Variants in FBXL13 observed in about 807,000 individuals in gnomAD.
FBXL13 encodes F-box and leucine rich repeat protein 13.
In FBXL13, 67 loss-of-function variants were observed where a neutral mutation model predicts 83.6. The observed-to-expected ratio is 0.80, with a 90% CI of 0.66 to 0.98. The LOEUF is 0.98. Ranked by LOEUF, FBXL13 falls within the 50% of genes least tolerant of loss-of-function variation. The pLI, the probability that FBXL13 is intolerant of heterozygous loss-of-function variation, is 0.00. For synonymous variants in FBXL13, 272 were observed against 299.5 expected, an observed-to-expected ratio of 0.91 and a Z score of 0.95; for missense variants, 822 against 866.5, an observed-to-expected ratio of 0.95 and a Z score of 0.64.
At chr7:102,866,251 AG>A (rs1807633649) in intron 16 of FBXL13, among the ~76,000 whole-genome samples, 1 of 152,178 alleles carries the variant, frequency 6.6e-6, no homozygotes, top group Non-Finnish European at 1.5e-5. Flanking sequence ...ATCCATCTTG[AG>A]GGAAGTGACA....
intron 2 of FBXL13, among the ~76,000 whole-genome samples, chr7:103,037,557 C>T (rs1795193924): frequency 6.6e-6 from 1 of 151,934 alleles, no homozygotes; most frequent in African/African-American, 2.4e-5. Context: ...ATAATCCTAG[C>T]ACTTTGGGAG....
At chr7:102,926,921 G>A (rs1818246944) in intron 9 of FBXL13, among the ~76,000 whole-genome samples, 1 of 152,116 alleles carries the variant, frequency 6.6e-6, no homozygotes, top group African/African-American at 2.4e-5. Context: ...CCAGATTTAT[G>A]GTAAGTTTGA....
At chr7:103,004,356 G>A (rs992507204) in intron 6 of FBXL13, among the ~76,000 whole-genome samples, 3 of 152,192 alleles carry the variant, frequency 2.0e-5, no homozygotes, top group Non-Finnish European at 4.4e-5. Flanking sequence ...GGAGGCCCCA[G>A]AGGGAACAGT....
chr7:103,062,334 T>C (rs1482484836), intron 1 of FBXL13, among the ~76,000 whole-genome samples: 1 of 151,536 alleles, frequency 6.6e-6, no homozygotes, highest in Non-Finnish European at 1.5e-5. Context: ...CTAGGGTTTC[T>C]ATGTTATTTC....
chr7:103,073,326 T>TA (rs1799197902), intron 1 of FBXL13, among the ~76,000 whole-genome samples: 1 of 152,134 alleles, frequency 6.6e-6, no homozygotes, highest in Non-Finnish European at 1.5e-5. Context: ...TACTTAATAA[T>TA]ATGTGTTGGG....
At chr7:102,907,406 G>T (rs962734695) in intron 11 of FBXL13, among the ~76,000 whole-genome samples, 37 of 151,968 alleles carry the variant, frequency 2.4e-4, no homozygotes, top group Non-Finnish European at 4.9e-4. Flanking sequence ...TGCCATGTTG[G>T]TGTGCTGCAC....
At chr7:102,894,567 A>G (rs1812017433) in intron 11 of FBXL13, among the ~76,000 whole-genome samples, 1 of 151,886 alleles carries the variant, frequency 6.6e-6, no homozygotes, top group Non-Finnish European at 1.5e-5. Flanking sequence ...TAGAAAAAAA[A>G]TTTGAAAAGA....
At chr7:102,982,032 G>A (rs917251011) in intron 6 of FBXL13, among the ~76,000 whole-genome samples, 4 of 152,010 alleles carry the variant, frequency 2.6e-5, no homozygotes, top group East Asian at 3.9e-4. Context: ...ACTGGATCCC[G>A]GGCACATATA....
intron 2 of FBXL13, among the ~76,000 whole-genome samples, chr7:103,045,951 C>G (rs181939718): frequency 2.0e-5 from 3 of 152,270 alleles, no homozygotes; most frequent in Non-Finnish European, 2.9e-5. Context: ...TGAAGAGAGA[C>G]CATTTGACAT....
At chr7:102,830,478 C>T (rs1373771140) in intron 18 of FBXL13, among the ~76,000 whole-genome samples, 1 of 152,160 alleles carries the variant, frequency 6.6e-6, no homozygotes, top group Non-Finnish European at 1.5e-5. Context: ...GTTCTGGGTC[C>T]CTTGACCCAG....
chr7:102,851,789 A>C (rs114761021), intron 17 of FBXL13, among the ~76,000 whole-genome samples: 141 of 152,208 alleles, frequency 9.3e-4, no homozygotes, highest in African/African-American at 3.1e-3. Flanking sequence ...GAAGTGATGA[A>C]AAAATTACAC....
intron 6 of FBXL13, 88 bp from the exon 8 acceptor site, chr7:102,968,205 ATGTGCGTG>A: frequency 3.7e-6 from 3 of 803,576 alleles, no homozygotes; most frequent in Non-Finnish European, 6.2e-6. Flanking sequence ...GTGTGCACAC[ATGTGCGTG>A]CACACACACA....
At chr7:102,855,484 C>T (rs1805903029) in intron 16 of FBXL13, among the ~76,000 whole-genome samples, 1 of 151,894 alleles carries the variant, frequency 6.6e-6, no homozygotes, top group African/African-American at 2.4e-5. Context: ...AGTACTTTTT[C>T]CCCAAATTTA....
intron 17 of FBXL13, among the ~76,000 whole-genome samples, chr7:102,839,154 A>G (rs1434883372): frequency 6.6e-6 from 1 of 152,224 alleles, no homozygotes; most frequent in East Asian, 1.9e-4. Flanking sequence ...ACTGAGATGT[A>G]TGGGTGGAGA....
chr7:102,909,305 C>A (rs1035741543), intron 11 of FBXL13, among the ~76,000 whole-genome samples: 1 of 151,456 alleles, frequency 6.6e-6, no homozygotes, highest in African/African-American at 2.4e-5. Flanking sequence ...GTGGGTTCCC[C>A]TCTGGCCCAA....
intron 10 of FBXL13, among the ~76,000 whole-genome samples, chr7:102,924,875 C>T (rs552897307): frequency 3.9e-5 from 6 of 152,048 alleles, no homozygotes; most frequent in African/African-American, 9.6e-5. Flanking sequence ...ATGATCCACC[C>T]GCCCCGGCCT....
intron 8 of FBXL13, among the ~76,000 whole-genome samples, chr7:102,954,009 G>C (rs1823835344): frequency 6.6e-6 from 1 of 152,212 alleles, no homozygotes; most frequent in South Asian, 2.1e-4. Flanking sequence ...CTCTCAACAT[G>C]ATCGACGCAG....
intron 10 of FBXL13, among the ~76,000 whole-genome samples, chr7:102,921,191 A>G (rs1431425547): frequency 1.3e-5 from 2 of 152,186 alleles, no homozygotes; most frequent in Admixed American, 1.3e-4. Context: ...ATCAACCAGC[A>G]TAAAGAATAT....
intron 6 of FBXL13, among the ~76,000 whole-genome samples, chr7:102,995,836 A>G (rs914058040): frequency 6.8e-6 from 1 of 146,132 alleles, no homozygotes; most frequent in Non-Finnish European, 1.5e-5. Flanking sequence ...GTCATAAACC[A>G]TAACACCATA....
Sources: gnomAD v4.1 joint callset for allele counts (sites outside exome capture counted in the v4.1 genomes callset) on GRCh38, gnomAD v4.1.1 for gene constraint, MANE v1.5 for transcripts, NCBI Gene and HGNC (gene_info 2026-07-23, HGNC 2026-07-21) for gene names.